QTMAN: variants seen among roughly 807,000 people sequenced by gnomAD.
QTMAN encodes queuosine-tRNA mannosyltransferase, also known as tRNA-queuosine alpha-mannosyltransferase.
the QTMAN span, among the ~76,000 whole-genome samples, chr2:144,136,914 T>C: frequency 6.6e-6 from 1 of 152,116 alleles, no homozygotes; most frequent in Non-Finnish European, 1.5e-5. Flanking sequence ...TGACCACCAA[T>C]CATCTTGCAG....
chr2:144,103,295 G>A, the QTMAN span, among the ~76,000 whole-genome samples: 22 of 152,192 alleles, frequency 1.4e-4, no homozygotes, highest in African/African-American at 2.4e-4. Context: ...ACTGGAGGCC[G>A]GGGGCCACTG....
chr2:144,097,104 T>G, the QTMAN span, among the ~76,000 whole-genome samples: 1 of 152,230 alleles, frequency 6.6e-6, no homozygotes, highest in African/African-American at 2.4e-5. Context: ...CCACTTGTTC[T>G]TATTTTAGCC....
At chr2:144,302,958 C>T in the QTMAN span, among the ~76,000 whole-genome samples, 1 of 152,070 alleles carries the variant, frequency 6.6e-6, no homozygotes, top group African/African-American at 2.4e-5. Flanking sequence ...AAAAATTAGC[C>T]AGGCATGGTT....
the QTMAN span, among the ~76,000 whole-genome samples, chr2:144,222,765 G>A: frequency 3.9e-5 from 6 of 152,072 alleles, no homozygotes; most frequent in Non-Finnish European, 8.8e-5. Context: ...CTGAGATGGC[G>A]CCACTGCATT....
At chr2:144,111,838 C>T in the QTMAN span, among the ~76,000 whole-genome samples, 1 of 152,108 alleles carries the variant, frequency 6.6e-6, no homozygotes, top group African/African-American at 2.4e-5. Flanking sequence ...TTCAGATGCT[C>T]GGCCTGCTTA....
At chr2:144,076,757 T>C in the QTMAN span, among the ~76,000 whole-genome samples, 1 of 152,162 alleles carries the variant, frequency 6.6e-6, no homozygotes, top group African/African-American at 2.4e-5. Flanking sequence ...TTATACAAGT[T>C]AGCAGCACTG....
At chr2:144,000,941 A>C in the QTMAN span, among the ~76,000 whole-genome samples, 1 of 151,968 alleles carries the variant, frequency 6.6e-6, no homozygotes, top group East Asian at 1.9e-4. Context: ...CTGATTTCCA[A>C]AAGTACTATT....
At chr2:143,965,498 T>C in the QTMAN span, among the ~76,000 whole-genome samples, 1 of 152,218 alleles carries the variant, frequency 6.6e-6, no homozygotes, top group African/African-American at 2.4e-5. Flanking sequence ...TGGATGAACA[T>C]GAATTAACTT....
chr2:144,287,174 C>A, the QTMAN span, among the ~76,000 whole-genome samples: 1 of 152,192 alleles, frequency 6.6e-6, no homozygotes, highest in African/African-American at 2.4e-5. Flanking sequence ...CGGTGGCTCA[C>A]GCCTGTAATC....
At chr2:143,992,210 G>T in the QTMAN span, among the ~76,000 whole-genome samples, 2 of 150,362 alleles carry the variant, frequency 1.3e-5, no homozygotes, top group South Asian at 4.3e-4. Flanking sequence ...TCTGCCTGGG[G>T]ATCCTGTTGA....
the QTMAN span, among the ~76,000 whole-genome samples, chr2:144,263,167 T>C: frequency 6.6e-5 from 10 of 151,322 alleles, no homozygotes; most frequent in Non-Finnish European, 8.8e-5. Flanking sequence ...CCTATGTCCC[T>C]CTTTCATTTT....
the QTMAN span, among the ~76,000 whole-genome samples, chr2:144,008,932 A>G: frequency 1.3e-5 from 2 of 152,082 alleles, no homozygotes; most frequent in Admixed American, 6.6e-5. Flanking sequence ...GGGTTTGTGT[A>G]TGAAAGAGAG....
chr2:144,019,451 T>TGTGC, the QTMAN span, among the ~76,000 whole-genome samples: 1 of 145,344 alleles, frequency 6.9e-6, no homozygotes, highest in Non-Finnish European at 1.5e-5. Flanking sequence ...TGTGTGTGTG[T>TGTGC]GTGTGTGTGT....
At chr2:144,038,482 A>C in the QTMAN span, among the ~76,000 whole-genome samples, 1 of 152,176 alleles carries the variant, frequency 6.6e-6, no homozygotes. Context: ...CATGAGAACA[A>C]ATGTGGTTTC....
chr2:144,203,111 A>ACAATGATG, the QTMAN span, among the ~76,000 whole-genome samples: 2 of 152,026 alleles, frequency 1.3e-5, no homozygotes, highest in South Asian at 4.2e-4. Flanking sequence ...TCCTTTAGGG[A>ACAATGATG]CAATGATGAC....
chr2:144,085,152 G>GT, the QTMAN span, among the ~76,000 whole-genome samples: 1 of 152,218 alleles, frequency 6.6e-6, no homozygotes, highest in Admixed American at 6.5e-5. Context: ...GTTCTGTATT[G>GT]TAACTACTCA....
the QTMAN span, among the ~76,000 whole-genome samples, chr2:144,310,878 A>G: frequency 6.6e-6 from 1 of 152,202 alleles, no homozygotes; most frequent in African/African-American, 2.4e-5. Context: ...ACAGCTGGAT[A>G]TGTGTCTAGA....
At chr2:143,959,913 T>C in the QTMAN span, among the ~76,000 whole-genome samples, 1 of 152,108 alleles carries the variant, frequency 6.6e-6, no homozygotes, top group Non-Finnish European at 1.5e-5. Context: ...TATATTATGG[T>C]GTTTTTTACA....
At chr2:144,027,067 T>C in the QTMAN span, among the ~76,000 whole-genome samples, 1 of 152,214 alleles carries the variant, frequency 6.6e-6, no homozygotes, top group Non-Finnish European at 1.5e-5. Flanking sequence ...CTAGAGATGA[T>C]CCTCCTGTTC....
Sources: gnomAD v4.1 joint callset for allele counts (sites outside exome capture counted in the v4.1 genomes callset) on GRCh38, gnomAD v4.1.1 for gene constraint, MANE v1.5 for transcripts, NCBI Gene and HGNC (gene_info 2026-07-23, HGNC 2026-07-21) for gene names.